Variants in SLC66A3 observed in about 807,000 individuals in gnomAD.
The protein encoded by SLC66A3 is PQ loop repeat containing 3.
SLC66A3 carries 23 observed loss-of-function variants against 25.5 expected under a neutral mutation model. The observed-to-expected ratio is 0.90, with a 90% CI of 0.65 to 1.28. The LOEUF is 1.28. SLC66A3 is among the 50% of genes most tolerant of loss of function. The pLI is 0.00. For missense variants in SLC66A3, 246 were observed against 262.1 expected (o/e 0.94, Z 0.42); for synonymous variants, 108 against 112.6 (o/e 0.96, Z 0.26).
chr2:11,173,249 A>G (rs1315819189), intron 5 of SLC66A3, among the ~76,000 whole-genome samples: 2 of 152,150 alleles, frequency 1.3e-5, no homozygotes, highest in Non-Finnish European at 2.9e-5. Context: ...TCAGCCTCCC[A>G]AAGTATTGGG....
intron 4 of SLC66A3, among the ~76,000 whole-genome samples, chr2:11,171,589 A>T (rs1328679890): frequency 1.3e-5 from 2 of 150,902 alleles, no homozygotes; most frequent in Non-Finnish European, 3.0e-5. Context: ...TTTTTTTGAG[A>T]TGGGAGTCTC....
intron 1 of SLC66A3, among the ~76,000 whole-genome samples, chr2:11,158,076 C>T (rs1040418932): frequency 2.0e-5 from 3 of 152,176 alleles, no homozygotes; most frequent in Admixed American, 2.0e-4. Context: ...GGTGGGGGTA[C>T]GTTTTGTTTA....
intron 1 of SLC66A3, among the ~76,000 whole-genome samples, chr2:11,156,023 C>A (rs780539995): frequency 4.0e-4 from 61 of 152,194 alleles, no homozygotes; most frequent in Non-Finnish European, 7.3e-5. Context: ...ATTTGCACCT[C>A]GAGGCTGTCA....
At chr2:11,157,173 C>T (rs1236188858) in intron 1 of SLC66A3, among the ~76,000 whole-genome samples, 2 of 152,212 alleles carry the variant, frequency 1.3e-5, no homozygotes, top group East Asian at 3.9e-4. Flanking sequence ...GTGAGGGCTC[C>T]TATTAGATCT....
In SLC66A3 at chr2:11,164,343, A is replaced by AT. The variant is rs1323751814; in HGVS notation, c.354+83dup. 3.5e-3 allele frequency: 389 copies of AT among 112,678 alleles called. 3 individuals are homozygous for AT. The highest frequency in any genetic ancestry group is 4.4e-3 in the Non-Finnish European group (285 of 65,454). The allele number at this position is 112,678 out of a possible 1,614,324, so 7.0% of individuals were successfully genotyped here. ...GATAGATATTTATATATATATATATATATTTTTTTTTTTTTGAAATGGAGT... is the reference window on the plus strand; with the variant it reads ...GATAGATATTTATATATATATATATATTATTTTTTTTTTTTTGAAATGGAGT... On this transcript the variant is annotated intron_variant, in intron 4 of 6. Coordinates refer to ENST00000295083, the MANE Select transcript of SLC66A3 (RefSeq NM_152391.5).
chr2:11,156,131 A>G (rs79213088), intron 1 of SLC66A3, among the ~76,000 whole-genome samples: 5 of 152,118 alleles, frequency 3.3e-5, no homozygotes, highest in African/African-American at 7.2e-5. Context: ...GAATGTATGA[A>G]TCTCTTCTCT....
chr2:11,156,938 G>T (rs1410592244), intron 1 of SLC66A3, among the ~76,000 whole-genome samples: 1 of 152,164 alleles, frequency 6.6e-6, no homozygotes, highest in Non-Finnish European at 1.5e-5. Context: ...TGTGGTGACT[G>T]TTCAGGTGGG....
At chr2:11,162,252 G>A (rs541964751) in intron 3 of SLC66A3, among the ~76,000 whole-genome samples, 13 of 152,326 alleles carry the variant, frequency 8.5e-5, no homozygotes, top group Admixed American at 4.6e-4. Flanking sequence ...CTGTTTCCCC[G>A]AGTGGCAAGC....
At chr2:11,177,400 C>T (rs1662794295) in intron 6 of SLC66A3, among the ~76,000 whole-genome samples, 1 of 149,792 alleles carries the variant, frequency 6.7e-6, no homozygotes, top group East Asian at 2.0e-4. Context: ...GTGGAGGTTG[C>T]AGTGAGCCAA....
rs1440192829 is a variant in SLC66A3, at chr2:11,164,341, A to ATTT, written c.354+81_354+82insTTT. ...TTGATAGATATTTATATATATATAT[A>ATTT]TATATTTTTTTTTTTTTGAAATGGA... On this transcript the variant is annotated intron_variant, in intron 4 of 6. Transcript: ENST00000295083. The ATTT allele has an allele frequency of 2.3e-3, 275 of 121,082 alleles. 5 individuals are homozygous for ATTT. The highest frequency in any genetic ancestry group is 0.012 in the African/African-American group (253 of 20,488). The allele number at this position is 121,082 out of a possible 1,614,324, so 7.5% of individuals were successfully genotyped here.
intron 6 of SLC66A3, among the ~76,000 whole-genome samples, chr2:11,177,206 T>G (rs1219205518): frequency 6.6e-6 from 1 of 152,124 alleles, no homozygotes; most frequent in Non-Finnish European, 1.5e-5. Flanking sequence ...ACGCCTGTAA[T>G]CCCAGCACTT....
chr2:11,175,110 T>C (rs1356032171), intron 6 of SLC66A3, 101 bp downstream of exon 6: 3 of 851,474 alleles, frequency 3.5e-6, no homozygotes, highest in Middle Eastern at 2.3e-4. Flanking sequence ...CTTGGCTCTG[T>C]TGGATTATAG....
chr2:11,155,536 C>A lies in SLC66A3; in HGVS notation c.-11C>A. ...CGCTGCGGCCGCCCAGGTGCCCGCGCCCGTGGCGCTATGGAGGCGGCGCTG... is the reference window on the plus strand; with the variant it reads ...CGCTGCGGCCGCCCAGGTGCCCGCGACCGTGGCGCTATGGAGGCGGCGCTG... On this transcript the variant is annotated 5_prime_UTR_variant, in exon 1 of 7. Coordinates refer to ENST00000295083, the MANE Select transcript of SLC66A3 (RefSeq NM_152391.5). The A allele has an allele frequency of 6.7e-7, 1 of 1,490,150 alleles. No individual in the cohort carries two copies. Among genetic ancestry groups the A allele is most frequent in the East Asian group, 2.9e-5 (1 of 34,694 alleles). The allele number at this position is 1,490,150 out of a possible 1,614,324, so 92.3% of individuals were successfully genotyped here.
At chr2:11,156,434 C>T (rs1435780964) in intron 1 of SLC66A3, among the ~76,000 whole-genome samples, 2 of 152,204 alleles carry the variant, frequency 1.3e-5, no homozygotes, top group African/African-American at 4.8e-5. Flanking sequence ...CTAGTGGTCT[C>T]GCCCCTTCCC....
chr2:11,174,808 CTG>C (rs1157617870), intron 5 of SLC66A3, among the ~76,000 whole-genome samples, 158 bp from the exon 6 acceptor site: 2 of 152,020 alleles, frequency 1.3e-5, no homozygotes, highest in East Asian at 3.8e-4. Context: ...CTACCAAACT[CTG>C]TCAAGAATAG....
chr2:11,173,688 G>A (rs749588893), intron 5 of SLC66A3, among the ~76,000 whole-genome samples: 14 of 152,184 alleles, frequency 9.2e-5, no homozygotes, highest in Non-Finnish European at 2.1e-4. Flanking sequence ...AGAGAGTTTT[G>A]ACAGGCTGGT....
chr2:11,169,837 C>CTCTTTTTTT (rs1489468335), intron 4 of SLC66A3, among the ~76,000 whole-genome samples: 1 of 89,046 alleles, frequency 1.1e-5, no homozygotes, highest in Non-Finnish European at 2.0e-5. Flanking sequence ...GGATTTCTCT[C>CTCTTTTTTT]TTTTTTTTTT....
intron 1 of SLC66A3, among the ~76,000 whole-genome samples, chr2:11,158,817 TC>T (rs1241053824): frequency 2.2e-5 from 2 of 92,166 alleles, no homozygotes; most frequent in Non-Finnish European, 6.0e-5. Context: ...AGACTCCATC[TC>T]AAAAAAAAAG....
At chr2:11,171,866 C>A in intron 4 of SLC66A3, 59 bp from the exon 5 acceptor site, 1 of 1,597,786 alleles carries the variant, frequency 6.3e-7, no homozygotes, top group East Asian at 2.3e-5. Context: ...CCGCACCTGG[C>A]CTCTTTTGCT....
Sources: allele counts gnomAD v4.1 joint callset (sites outside exome capture counted in the v4.1 genomes callset), GRCh38; gene constraint gnomAD v4.1.1; transcripts MANE v1.5; gene names NCBI Gene and HGNC (gene_info 2026-07-23, HGNC 2026-07-21).